Variants in FBXO34 observed in about 807,000 individuals in gnomAD.
The protein encoded by FBXO34 is F-box only protein 34.
A neutral mutation model predicts 24.5 loss-of-function variants in FBXO34; 12 were observed. That is an observed-to-expected ratio of 0.49 (90% CI 0.31 to 0.79). The LOEUF (loss-of-function observed/expected upper bound fraction) is 0.79, where lower values mean the gene tolerates loss of function less well. Among genes scored for constraint, FBXO34 ranks in the 30% least tolerant of loss-of-function variants. The pLI is 0.04. For missense variants in FBXO34, 823 were observed against 857.7 expected (o/e 0.96, Z 0.51); for synonymous variants, 320 against 311.9 (o/e 1.03, Z -0.27).
At position 55,352,850 on chromosome 14, in the gene FBXO34, A is replaced by T. The variant is rs957334719; in HGVS notation, c.*324A>T. On this transcript the variant is annotated 3_prime_UTR_variant, in exon 2 of 2. Coordinates refer to ENST00000313833, the MANE Select transcript of FBXO34 (RefSeq NM_017943.4). ...CACCACCATCCAGGACATTCAGAAG[A>T]GTTCACTGCAGATGCTGCAGGTAGT... is the stretch of plus-strand genomic sequence containing the variant. 4.1e-6 allele frequency: 1 copy of T among 243,526 alleles called. No homozygotes were observed. Among genetic ancestry groups the T allele is most frequent in the African/African-American group, 2.3e-5 (1 of 44,232 alleles). The allele number at this position is 243,526 out of a possible 1,614,324, so 15.1% of individuals were successfully genotyped here. A position where few individuals can be genotyped will look rare whatever the true frequency, so the allele number is the denominator to read the frequency against.
At chr14:55,358,682 G>A (rs1324424642) in intron 3 of FBXO34, among the ~76,000 whole-genome samples, 1 of 152,258 alleles carries the variant, frequency 6.6e-6, no homozygotes, top group Non-Finnish European at 1.5e-5. Flanking sequence ...CTAATGTGCA[G>A]GAGCTGGTGC....
intron 1 of FBXO34, among the ~76,000 whole-genome samples, chr14:55,281,281 A>G (rs1881534067): frequency 1.4e-5 from 2 of 145,396 alleles, no homozygotes; most frequent in South Asian, 2.2e-4. Context: ...AAAAAAGCAC[A>G]TCTCAGTTCA....
intron 1 of FBXO34, chr14:55,326,138 G>GA (rs1883336451): frequency 6.6e-6 from 1 of 152,198 alleles, no homozygotes; most frequent in Non-Finnish European, 1.5e-5. Context: ...GTTTGTAGAG[G>GA]AAGTAAAATC....
chr14:55,397,019 A>T, the FBXO34 span, among the ~76,000 whole-genome samples: 1 of 152,208 alleles, frequency 6.6e-6, no homozygotes, highest in African/African-American at 2.4e-5. Flanking sequence ...ATATGGACAA[A>T]AGAAGAATGG....
the FBXO34 span, among the ~76,000 whole-genome samples, chr14:55,406,519 G>A: frequency 2.0e-5 from 3 of 152,144 alleles, no homozygotes. Flanking sequence ...AGAGTTCAAG[G>A]CCTATTGACA....
At chr14:55,317,812 C>T (rs1882986320) in intron 1 of FBXO34, among the ~76,000 whole-genome samples, 1 of 152,174 alleles carries the variant, frequency 6.6e-6, no homozygotes, top group African/African-American at 2.4e-5. Context: ...CACATGTTCA[C>T]TTAAACTGTC....
At chr14:55,440,504 G>C in the FBXO34 span, 24 of 1,611,794 alleles carry the variant, frequency 1.5e-5, no homozygotes, top group Admixed American at 1.5e-4. Flanking sequence ...AGCGCGGAGC[G>C]AGCAGCCTCG....
intron 1 of FBXO34, among the ~76,000 whole-genome samples, chr14:55,318,765 T>C (rs996779167): frequency 6.6e-6 from 1 of 152,088 alleles, no homozygotes; most frequent in African/African-American, 2.4e-5. Context: ...TTGGAACAAT[T>C]AGTATTCCAT....
intron 1 of FBXO34, among the ~76,000 whole-genome samples, chr14:55,278,089 C>G (rs1881403770): frequency 6.6e-6 from 1 of 152,004 alleles, no homozygotes; most frequent in Admixed American, 6.6e-5. Flanking sequence ...GTTTAACTTC[C>G]TTGGGTAGGA....
At chr14:55,415,387 T>C in the FBXO34 span, among the ~76,000 whole-genome samples, 1 of 152,210 alleles carries the variant, frequency 6.6e-6, no homozygotes, top group African/African-American at 2.4e-5. Flanking sequence ...TCAGCTACTG[T>C]GGAAACTAGT....
At chr14:55,413,665 C>A in the FBXO34 span, 2 of 364,384 alleles carry the variant, frequency 5.5e-6, no homozygotes, top group Admixed American at 3.4e-5. Flanking sequence ...ACTCAGACAC[C>A]TCTCCCTTTG....
intron 1 of FBXO34, among the ~76,000 whole-genome samples, chr14:55,304,554 G>A (rs914506183): frequency 6.6e-5 from 10 of 152,240 alleles, no homozygotes; most frequent in African/African-American, 2.2e-4. Flanking sequence ...AGGCTGGAGT[G>A]CAGTGACATG....
intron 1 of FBXO34, among the ~76,000 whole-genome samples, chr14:55,294,354 G>A (rs886708319): frequency 6.6e-6 from 1 of 152,044 alleles, no homozygotes; most frequent in African/African-American, 2.4e-5. Flanking sequence ...GAGTGCAGTG[G>A]TGTGAACACT....
chr14:55,377,815 T>C, the FBXO34 span: 4 of 1,564,054 alleles, frequency 2.6e-6, no homozygotes, highest in Non-Finnish European at 3.5e-6. Flanking sequence ...AAATATCTTC[T>C]TACCTGCCTA....
At chr14:55,411,947 C>G in the FBXO34 span, 1 of 850,502 alleles carries the variant, frequency 1.2e-6, no homozygotes, top group South Asian at 1.8e-5. Flanking sequence ...CCTCCGCCGC[C>G]GCGTGTTCCT....
At chr14:55,278,027 G>T (rs145615056) in intron 1 of FBXO34, among the ~76,000 whole-genome samples, 2 of 152,148 alleles carry the variant, frequency 1.3e-5, no homozygotes, top group East Asian at 3.9e-4. Context: ...GGGGGCTACT[G>T]CCACCGCAGC....
chr14:55,340,425 G>C (rs540558349), intron 1 of FBXO34, among the ~76,000 whole-genome samples: 3 of 151,012 alleles, frequency 2.0e-5, no homozygotes, highest in Non-Finnish European at 2.9e-5. Flanking sequence ...TTGAATGGGG[G>C]TGGTACATAG....
At chr14:55,397,406 G>A in the FBXO34 span, 2 of 1,613,474 alleles carry the variant, frequency 1.2e-6, no homozygotes, top group Non-Finnish European at 1.7e-6. Context: ...CTCTTAAGTC[G>A]GCTTAACCTT....
intron 1 of FBXO34, among the ~76,000 whole-genome samples, chr14:55,345,332 C>T (rs74050975): frequency 0.099 from 15,139 of 152,160 alleles, 2,068 homozygotes; most frequent in African/African-American, 0.31. Flanking sequence ...TACTTGTCAT[C>T]TCTCTACTCT....
Sources: gnomAD v4.1 joint callset for allele counts (sites outside exome capture counted in the v4.1 genomes callset) on GRCh38, gnomAD v4.1.1 for gene constraint, MANE v1.5 for transcripts, NCBI Gene and HGNC (gene_info 2026-07-23, HGNC 2026-07-21) for gene names.